LTBP1: variants seen among roughly 807,000 people sequenced by gnomAD.
LTBP1 encodes the protein latent-transforming growth factor beta-binding protein 1.
Under a neutral mutation model 207.6 loss-of-function variants are expected in LTBP1, and 129 were observed. The ratio of observed to expected loss-of-function variants is 0.62; its 90% CI spans 0.54 to 0.72. The LOEUF (loss-of-function observed/expected upper bound fraction) is 0.72. Among genes scored for constraint, LTBP1 ranks in the 30% least tolerant of loss-of-function variants. The pLI, the probability that LTBP1 is intolerant of heterozygous loss-of-function variation, is 0.00. For synonymous variants in LTBP1, 963 were observed against 833.7 expected (o/e 1.16, Z -2.67); for missense variants, 2,281 against 2,217.2 (o/e 1.03, Z -0.58).
intron 31 of LTBP1, among the ~76,000 whole-genome samples, chr2:33,366,602 T>G (rs758561977): frequency 4.6e-5 from 7 of 152,222 alleles, no homozygotes; most frequent in Non-Finnish European, 1.0e-4. Flanking sequence ...CTGGGGCCAG[T>G]TGGCACTGAG....
chr2:33,316,162 A>G (rs2094268405), intron 24 of LTBP1, among the ~76,000 whole-genome samples: 1 of 35,370 alleles, frequency 2.8e-5, no homozygotes, highest in Non-Finnish European at 1.0e-4. Context: ...GGTTATTTTC[A>G]TAAGATTTGT....
At chr2:33,056,405 G>A (rs188897706) in intron 3 of LTBP1, 103 of 1,164,814 alleles carry the variant, frequency 8.8e-5, no homozygotes, top group African/African-American at 5.4e-4. Flanking sequence ...GCAAAATGCC[G>A]CCCTGGGCGA....
intron 15 of LTBP1, among the ~76,000 whole-genome samples, chr2:33,267,474 C>T (rs2148191442): frequency 1.3e-5 from 2 of 152,282 alleles, no homozygotes; most frequent in Middle Eastern, 3.4e-3. Flanking sequence ...TTGTTATTCT[C>T]TATTCTGAGG....
At chr2:33,245,440 T>C (rs1406504312) in intron 10 of LTBP1, among the ~76,000 whole-genome samples, 1 of 152,260 alleles carries the variant, frequency 6.6e-6, no homozygotes, top group Admixed American at 6.5e-5. Context: ...ATGTTATCAC[T>C]AATTACTACT....
intron 10 of LTBP1, among the ~76,000 whole-genome samples, chr2:33,247,195 G>A (rs1294013225): frequency 1.3e-5 from 2 of 152,222 alleles, no homozygotes; most frequent in Non-Finnish European, 2.9e-5. Context: ...GAGAGAAGAT[G>A]TGCTCAGGAA....
chr2:33,306,787 T>C (rs1390716158), intron 22 of LTBP1, among the ~76,000 whole-genome samples: 1 of 151,746 alleles, frequency 6.6e-6, no homozygotes, highest in Non-Finnish European at 1.5e-5. Context: ...GAAAGAAAGG[T>C]TAATGGAAAA....
chr2:33,066,659 T>C (rs924487356), intron 3 of LTBP1, among the ~76,000 whole-genome samples: 3 of 152,226 alleles, frequency 2.0e-5, no homozygotes, highest in African/African-American at 7.2e-5. Flanking sequence ...TAATCACTTA[T>C]CACAATATTT....
chr2:33,263,958 GAAAA>G (rs796992102), intron 15 of LTBP1, among the ~76,000 whole-genome samples: 22 of 69,742 alleles, frequency 3.2e-4, no homozygotes, highest in South Asian at 2.6e-3. Flanking sequence ...TCTAAAAAAA[GAAAA>G]AAAAAAAAAA....
intron 5 of LTBP1, among the ~76,000 whole-genome samples, chr2:33,138,848 C>CTTTTTTTTTTTTTTTTTTTTTTTT (rs71409603): frequency 1.3e-5 from 1 of 77,644 alleles, no homozygotes; most frequent in Non-Finnish European, 2.3e-5. Context: ...AGTATGTTCT[C>CTTTTTTTTTTTTTTTTTTTTTTTT]TTTTTTTTTT....
At chr2:33,167,795 A>G (rs535503575) in intron 5 of LTBP1, among the ~76,000 whole-genome samples, 3 of 152,254 alleles carry the variant, frequency 2.0e-5, no homozygotes, top group Non-Finnish European at 2.9e-5. Context: ...TGATGACAGC[A>G]GCAGAGAGAG....
intron 25 of LTBP1, among the ~76,000 whole-genome samples, chr2:33,343,760 T>TA (rs1191831216): frequency 4.6e-5 from 7 of 152,226 alleles, no homozygotes; most frequent in African/African-American, 1.7e-4. Flanking sequence ...AATATCATCA[T>TA]ATGTCCTGGA....
chr2:32,998,474 A>G (rs1685622971), intron 2 of LTBP1, among the ~76,000 whole-genome samples: 1 of 128,090 alleles, frequency 7.8e-6, no homozygotes, highest in Admixed American at 1.0e-4. Flanking sequence ...CAAGATCGCC[A>G]CTGCACTCCA....
chr2:33,130,598 G>A (rs536095486), intron 4 of LTBP1, among the ~76,000 whole-genome samples: 1 of 152,216 alleles, frequency 6.6e-6, no homozygotes, highest in Non-Finnish European at 1.5e-5. Context: ...TTTTATCACG[G>A]GAGGAGGGGT....
At chr2:33,343,727 T>G (rs1400656975) in intron 25 of LTBP1, among the ~76,000 whole-genome samples, 1 of 152,238 alleles carries the variant, frequency 6.6e-6, no homozygotes, top group African/African-American at 2.4e-5. Context: ...GTTCCGGGAT[T>G]GACAGGGCTG....
intron 2 of LTBP1, among the ~76,000 whole-genome samples, chr2:32,959,986 C>T (rs1678825829): frequency 6.6e-6 from 1 of 151,930 alleles, no homozygotes; most frequent in Non-Finnish European, 1.5e-5. Flanking sequence ...ATGTTCACAC[C>T]ATAGCGAGTA....
At chr2:33,353,985 G>A (rs530000010) in intron 26 of LTBP1, among the ~76,000 whole-genome samples, 5 of 151,262 alleles carry the variant, frequency 3.3e-5, no homozygotes, top group South Asian at 2.1e-4. Context: ...TCAGCCTCCC[G>A]AGTAGCTGGG....
chr2:33,009,846 G>C (rs576737852), intron 2 of LTBP1, among the ~76,000 whole-genome samples: 6 of 152,292 alleles, frequency 3.9e-5, no homozygotes, highest in African/African-American at 1.4e-4. Flanking sequence ...TGCTAAGTTT[G>C]AGAAGCCTGT....
At chr2:33,032,976 T>C (rs561447576) in intron 3 of LTBP1, among the ~76,000 whole-genome samples, 30 of 152,334 alleles carry the variant, frequency 2.0e-4, no homozygotes, top group African/African-American at 7.0e-4. Context: ...AAGGATTTGA[T>C]CAAGCTCAGC....
intron 5 of LTBP1, among the ~76,000 whole-genome samples, chr2:33,158,309 T>TTAAGTAGTTACATAGAAG (rs1187244405): frequency 6.6e-6 from 1 of 152,102 alleles, no homozygotes; most frequent in Non-Finnish European, 1.5e-5. Context: ...TATCCAGGGA[T>TTAAGTAGTTACATAGAAG]TAAGTAGTTA....
Sources: gnomAD v4.1 joint callset for allele counts (sites outside exome capture counted in the v4.1 genomes callset) on GRCh38, gnomAD v4.1.1 for gene constraint, MANE v1.5 for transcripts, NCBI Gene and HGNC (gene_info 2026-07-23, HGNC 2026-07-21) for gene names.